ZDHHC7: variants seen among roughly 807,000 people sequenced by gnomAD.
The protein encoded by ZDHHC7 is palmitoyltransferase ZDHHC7.
ZDHHC7 carries 12 observed loss-of-function variants against 34.1 expected under a neutral mutation model. The observed-to-expected ratio is 0.35, with a 90% CI of 0.23 to 0.57. The LOEUF (loss-of-function observed/expected upper bound fraction) is 0.57, where lower values mean the gene tolerates loss of function less well. ZDHHC7 is among the 20% of genes least tolerant of loss of function. The pLI is 0.84. For synonymous variants in ZDHHC7, 185 were observed against 155.4 expected, an observed-to-expected ratio of 1.19 and a Z score of -1.42; for missense variants, 388 against 402.7, an observed-to-expected ratio of 0.96 and a Z score of 0.31.
At chr16:85,004,079 G>A (rs1338011762) in intron 1 of ZDHHC7, among the ~76,000 whole-genome samples, 1 of 151,944 alleles carries the variant, frequency 6.6e-6, no homozygotes, top group African/African-American at 2.4e-5. Flanking sequence ...CATCCCTAAG[G>A]GCGTCTATCC....
rs572730236 is a variant in ZDHHC7 at position 84,990,750 on chromosome 16, T to C, written c.-17-115A>G. On this transcript the variant is annotated intron_variant, in intron 2 of 7. Transcript: ENST00000313732. ...TTCATGAAGTTAGTCTAAATACACA[T>C]AGTGGGAAAGAACATAAAAACATAA... The C allele has an allele frequency of 2.1e-4, 163 of 790,796 alleles. 1 individual carries two copies. The highest frequency in any genetic ancestry group is 1.1e-3 in the Middle Eastern group (4 of 3,626). The allele number at this position is 790,796 out of a possible 1,614,324, so 49.0% of individuals were successfully genotyped here. A position where few individuals can be genotyped will look rare whatever the true frequency, so the allele number is the denominator to read the frequency against.
At chr16:84,983,973 A>G (rs2072404293) in intron 3 of ZDHHC7, among the ~76,000 whole-genome samples, 1 of 151,718 alleles carries the variant, frequency 6.6e-6, no homozygotes, top group Non-Finnish European at 1.5e-5. Flanking sequence ...GCAAAAAAAA[A>G]AAAAAAATTT....
At chr16:85,004,252 T>A (rs937338224) in intron 1 of ZDHHC7, among the ~76,000 whole-genome samples, 5 of 151,556 alleles carry the variant, frequency 3.3e-5, no homozygotes, top group African/African-American at 1.2e-4. Context: ...ATCTAGCTGA[T>A]CAGCAAGTCC....
chr16:85,015,723 T>C (rs1013698488), upstream of ZDHHC7, among the ~76,000 whole-genome samples: 3 of 151,852 alleles, frequency 2.0e-5, no homozygotes, highest in Non-Finnish European at 4.4e-5. Context: ...CGTATCCCTG[T>C]AGTCCCAGCT....
At chr16:85,009,863 C>T (rs1321285885) in intron 1 of ZDHHC7, among the ~76,000 whole-genome samples, 1 of 151,912 alleles carries the variant, frequency 6.6e-6, no homozygotes, top group African/African-American at 2.4e-5. Flanking sequence ...CGCCCACCAC[C>T]ATGCCCAGCT....
At chr16:85,025,422 G>GA in the ZDHHC7 span, among the ~76,000 whole-genome samples, 63,800 of 150,616 alleles carry the variant, frequency 0.42, 14,668 homozygotes, top group African/African-American at 0.6. Flanking sequence ...TCCTTTTTTG[G>GA]GGGGGGGGAC....
chr16:84,982,715 C>A (rs1326841921), intron 3 of ZDHHC7, among the ~76,000 whole-genome samples: 2 of 152,276 alleles, frequency 1.3e-5, no homozygotes, highest in Non-Finnish European at 2.9e-5. Context: ...GCGGTCCAGA[C>A]CACCTGACCC....
At chr16:84,980,212 ACC>A (rs1213369546) in intron 4 of ZDHHC7, among the ~76,000 whole-genome samples, 1 of 149,244 alleles carries the variant, frequency 6.7e-6, no homozygotes, top group Admixed American at 6.7e-5. Context: ...TGATCCGCCC[ACC>A]CCGGCCTCCC....
chr16:84,992,906 A>G (rs958034817), intron 2 of ZDHHC7, among the ~76,000 whole-genome samples: 1 of 152,244 alleles, frequency 6.6e-6, no homozygotes. Context: ...ACATGTGGTG[A>G]GGATTCATTC....
At chr16:85,001,518 A>G (rs946227559) in intron 1 of ZDHHC7, among the ~76,000 whole-genome samples, 3 of 151,022 alleles carry the variant, frequency 2.0e-5, no homozygotes, top group African/African-American at 7.3e-5. Flanking sequence ...CAGGCTTCTC[A>G]CTGTTGGGGT....
chr16:84,991,353 T>C (rs1052844229), intron 2 of ZDHHC7, among the ~76,000 whole-genome samples: 3 of 151,822 alleles, frequency 2.0e-5, no homozygotes, highest in African/African-American at 7.3e-5. Context: ...TGGTGCGATC[T>C]TGGCTCACTG....
intron 1 of ZDHHC7, among the ~76,000 whole-genome samples, chr16:84,998,392 C>T (rs1015652845): frequency 1.8e-4 from 28 of 152,128 alleles, no homozygotes; most frequent in African/African-American, 6.8e-4. Flanking sequence ...GCTCTGGCTT[C>T]GGCGCCGGCT....
intron 5 of ZDHHC7, among the ~76,000 whole-genome samples, chr16:84,978,562 C>T (rs1032511256): frequency 3.3e-5 from 5 of 151,578 alleles, no homozygotes; most frequent in South Asian, 4.2e-4. Flanking sequence ...AGCAAAACCC[C>T]GTCTATAAAA....
At chr16:85,018,388 C>A in the ZDHHC7 span, among the ~76,000 whole-genome samples, 1,762 of 151,792 alleles carry the variant, frequency 0.012, 43 homozygotes, top group African/African-American at 0.041. Context: ...CTTGGTCTGG[C>A]TGCTGGTTAT....
chr16:85,002,301 C>T (rs888980104), intron 1 of ZDHHC7, among the ~76,000 whole-genome samples: 11 of 151,864 alleles, frequency 7.2e-5, no homozygotes, highest in Non-Finnish European at 1.3e-4. Context: ...GAGTGGAGTA[C>T]GGAAAGGAGG....
chr16:85,021,894 C>A, the ZDHHC7 span, among the ~76,000 whole-genome samples: 1 of 151,812 alleles, frequency 6.6e-6, no homozygotes, highest in African/African-American at 2.4e-5. Flanking sequence ...CAGTGGCTCA[C>A]GCCTGTAATC....
chr16:84,976,302 C>A lies in ZDHHC7; in HGVS notation c.*41G>T, dbSNP rs1287254745. ...TATCCTTCAGACCCCAAATAAATAACTGGAAGTCTGTGAGCAAGTTTCAGT... is the reference window on the plus strand; with the variant it reads ...TATCCTTCAGACCCCAAATAAATAAATGGAAGTCTGTGAGCAAGTTTCAGT... On this transcript the variant is annotated 3_prime_UTR_variant, in exon 8 of 8. Transcript: ENST00000313732. The A allele has an allele frequency of 6.2e-7, 1 of 1,607,836 alleles. No individual in the cohort carries two copies. Among genetic ancestry groups the A allele is most frequent in the Non-Finnish European group, 8.5e-7 (1 of 1,178,416 alleles).
At chr16:85,027,080 T>C in the ZDHHC7 span, among the ~76,000 whole-genome samples, 4 of 152,210 alleles carry the variant, frequency 2.6e-5, no homozygotes, top group Admixed American at 6.5e-5. Flanking sequence ...ACGTTGTGTT[T>C]ACTGTATTTG....
At chr16:85,014,937 C>T (rs2072828073), upstream of ZDHHC7, among the ~76,000 whole-genome samples, 1 of 151,968 alleles carries the variant, frequency 6.6e-6, no homozygotes, top group Non-Finnish European at 1.5e-5. Context: ...GGGGTGCTTC[C>T]AGGTCACAGG....
Sources: gnomAD v4.1 joint callset for allele counts (sites outside exome capture counted in the v4.1 genomes callset) on GRCh38, gnomAD v4.1.1 for gene constraint, MANE v1.5 for transcripts, NCBI Gene and HGNC (gene_info 2026-07-23, HGNC 2026-07-21) for gene names.